The following ACADSB variants were observed in gnomAD, a reference collection of about 807,000 sequenced individuals.
The protein encoded by ACADSB is acyl-CoA dehydrogenase short/branched chain.
Under a neutral mutation model 54.1 loss-of-function variants are expected in ACADSB, and 40 were observed. The observed-to-expected ratio is 0.74, with a 90% CI of 0.57 to 0.96. ACADSB has a LOEUF of 0.96. Ranked by LOEUF, ACADSB falls within the 40% of genes least tolerant of loss-of-function variation. The pLI is 0.00. For synonymous variants in ACADSB, 182 were observed against 182.8 expected (o/e 1.00, Z 0.03); for missense variants, 530 against 510.4 (o/e 1.04, Z -0.37).
chr10:123,021,353 G>A (rs1850181523), intron 1 of ACADSB, among the ~76,000 whole-genome samples: 1 of 152,136 alleles, frequency 6.6e-6, no homozygotes, highest in Non-Finnish European at 1.5e-5. Flanking sequence ...TTATTCCAAT[G>A]CTCAATTTAT....
intron 6 of ACADSB, 65 bp from the exon 7 acceptor site, chr10:123,044,328 A>G (rs1850520431): frequency 2.9e-6 from 4 of 1,389,890 alleles, no homozygotes; most frequent in African/African-American, 2.8e-5. Flanking sequence ...TGTACTTACA[A>G]ATATATAATC....
chr10:123,037,936 C>A, intron 3 of ACADSB, 89 bp downstream of exon 3: 1 of 962,120 alleles, frequency 1.0e-6, no homozygotes, highest in Non-Finnish European at 1.6e-6. Flanking sequence ...ATTTCCCAGT[C>A]AAAATTATCT....
rs1415931658 is a variant in ACADSB, at chr10:123,054,005, A to T, written c.*240A>T. Reference sequence around the variant, plus strand: ...AAATAAGCACCTGTATTTTTTTCCAAAACTGTTTTTAAAGCTGTATACGCA... The same window carrying T: ...AAATAAGCACCTGTATTTTTTTCCATAACTGTTTTTAAAGCTGTATACGCA... On this transcript the variant is annotated 3_prime_UTR_variant, in exon 11 of 11. Transcript: ENST00000358776. 2 of 585,410 alleles carry T rather than the reference A, an allele frequency of 3.4e-6. No individual in the cohort carries two copies. Among genetic ancestry groups the T allele is most frequent in the African/African-American group, 3.7e-5 (2 of 53,424 alleles). The allele number at this position is 585,410 out of a possible 1,614,324, so 36.3% of individuals were successfully genotyped here. A position where few individuals can be genotyped will look rare whatever the true frequency, so the allele number is the denominator to read the frequency against.
intron 6 of ACADSB, 141 bp from the exon 7 acceptor site, chr10:123,044,252 C>T (rs1276999689): frequency 1.7e-5 from 12 of 708,224 alleles, no homozygotes; most frequent in Non-Finnish European, 3.0e-5. Flanking sequence ...GGAAAAACAG[C>T]GTAGAGGGAG....
At chr10:123,050,940 TG>T in intron 8 of ACADSB, 108 bp from the exon 9 acceptor site, 1 of 1,128,412 alleles carries the variant, frequency 8.9e-7, no homozygotes, top group Non-Finnish European at 1.3e-6. Flanking sequence ...AAATTTCCTT[TG>T]GGGTGTATTT....
intron 1 of ACADSB, among the ~76,000 whole-genome samples, chr10:123,019,475 C>T (rs537745037): frequency 1.3e-5 from 2 of 152,332 alleles, no homozygotes; most frequent in South Asian, 4.1e-4. Context: ...GTTACTGGGG[C>T]AGATAGGCCT....
At chr10:123,049,121 G>T (rs1159030958) in intron 8 of ACADSB, among the ~76,000 whole-genome samples, 1 of 152,286 alleles carries the variant, frequency 6.6e-6, no homozygotes, top group South Asian at 2.1e-4. Flanking sequence ...AGCACATCAA[G>T]GAGAAGAAAT....
intron 1 of ACADSB, among the ~76,000 whole-genome samples, chr10:123,020,437 T>C (rs1850169269): frequency 6.6e-6 from 1 of 152,220 alleles, no homozygotes; most frequent in African/African-American, 2.4e-5. Context: ...GGATTCCAAA[T>C]GGGTCGCTGC....
chr10:123,029,852 C>T lies in ACADSB; in HGVS notation c.43-4504C>T, dbSNP rs1439725615. ...CACTTTGCGCTGCTGTAACAGAATA[C>T]CATAGACTGGGTGCTTATAAAGAAA... On this transcript the variant is annotated intron_variant, in intron 1 of 10. Transcript: ENST00000358776. Among the ~76,000 whole-genome samples, 3 of 152,130 alleles carry T rather than the reference C, an allele frequency of 2.0e-5. No homozygotes were observed. The East Asian group carries it at 5.8e-4, about 29-fold the overall frequency.
chr10:123,012,205 T>A (rs1850045605), intron 1 of ACADSB, among the ~76,000 whole-genome samples: 2 of 152,256 alleles, frequency 1.3e-5, no homozygotes, highest in Admixed American at 1.3e-4. Context: ...GTTAATTCTC[T>A]GGACATCTGC....
chr10:123,035,736 C>T (rs1423970689), intron 2 of ACADSB, among the ~76,000 whole-genome samples: 2 of 152,142 alleles, frequency 1.3e-5, no homozygotes, highest in Non-Finnish European at 2.9e-5. Flanking sequence ...TCTTGTTGCC[C>T]AGCTGGCTGT....
intron 2 of ACADSB, among the ~76,000 whole-genome samples, chr10:123,035,530 A>G (rs1363913591): frequency 6.6e-6 from 1 of 152,190 alleles, no homozygotes; most frequent in African/African-American, 2.4e-5. Context: ...TACAAACTTA[A>G]CAAGTTAAAA....
At chr10:123,048,982 C>T (rs547472736) in intron 8 of ACADSB, among the ~76,000 whole-genome samples, 31 of 152,148 alleles carry the variant, frequency 2.0e-4, no homozygotes, top group Non-Finnish European at 3.7e-4. Flanking sequence ...TCCCAAAGTG[C>T]TGGGATTACA....
At chr10:123,032,751 G>A (rs1850344398) in intron 1 of ACADSB, among the ~76,000 whole-genome samples, 3 of 151,966 alleles carry the variant, frequency 2.0e-5, no homozygotes, top group African/African-American at 7.2e-5. Flanking sequence ...CACCATGCCC[G>A]GCTAATTTTG....
intron 1 of ACADSB, among the ~76,000 whole-genome samples, chr10:123,022,231 A>T (rs559643925): frequency 6.6e-6 from 1 of 152,336 alleles, no homozygotes; most frequent in Non-Finnish European, 1.5e-5. Context: ...AGGTTCTCAG[A>T]GAAAGGAATA....
Position 123,009,010 on chromosome 10 carries a change from C to A in ACADSB, c.-20C>A, listed in dbSNP as rs1219350632. ...TGGCTAGAGACCCAGAGGCGCAGAG[C>A]GGAGAGGCCTGCGGCGAGGATGGAG... On this transcript the variant is annotated 5_prime_UTR_variant, in exon 1 of 11. Transcript: ENST00000358776. 1.3e-6 allele frequency: 2 copies of A among 1,547,524 alleles called. No individual in the cohort carries two copies. The highest frequency in any genetic ancestry group is 1.7e-6 in the Non-Finnish European group (2 of 1,146,782).
At position 123,047,392 on chromosome 10, in the gene ACADSB, A is replaced by G. The variant is rs1370052625; in HGVS notation, c.990+94A>G. ...TGAAATCCATGGAGGGAATCCCTTCAGGGGGATTTTAATGGGAGATGGGTA... is the reference window on the plus strand; with the variant it reads ...TGAAATCCATGGAGGGAATCCCTTCGGGGGGATTTTAATGGGAGATGGGTA... On this transcript the variant is annotated intron_variant, in intron 8 of 10. Coordinates refer to ENST00000358776, the MANE Select transcript of ACADSB (RefSeq NM_001609.4). The G allele has an allele frequency of 3.2e-6, 3 of 929,232 alleles. No individual in the cohort carries two copies. The African/African-American group carries it at 4.9e-5, about 15-fold the overall frequency. 57.6% of individuals were successfully genotyped at this position (929,232 alleles called of 1,614,324 possible).
At chr10:123,038,072 A>G (rs941955543) in intron 3 of ACADSB, among the ~76,000 whole-genome samples, 3 of 152,220 alleles carry the variant, frequency 2.0e-5, no homozygotes, top group Non-Finnish European at 2.9e-5. Flanking sequence ...TAAGATGGTA[A>G]TTTATTTGTA....
At chr10:123,025,292 G>GCAA (rs1379503197) in intron 1 of ACADSB, among the ~76,000 whole-genome samples, 3 of 151,548 alleles carry the variant, frequency 2.0e-5, no homozygotes, top group Admixed American at 6.6e-5. Context: ...CCTCGTCTCT[G>GCAA]CAACAACAAG....
Sources: gnomAD v4.1 joint callset for allele counts (sites outside exome capture counted in the v4.1 genomes callset) on GRCh38, gnomAD v4.1.1 for gene constraint, MANE v1.5 for transcripts, NCBI Gene and HGNC (gene_info 2026-07-23, HGNC 2026-07-21) for gene names.